The following NELL1 variants were observed in gnomAD, a reference collection of about 807,000 sequenced individuals.
NELL1 encodes protein kinase C-binding protein NELL1.
In NELL1, 76 loss-of-function variants were observed where a neutral mutation model predicts 107.4. The ratio of observed to expected loss-of-function variants is 0.71; its 90% CI spans 0.59 to 0.86. The LOEUF is 0.86. Among genes scored for constraint, NELL1 ranks in the 40% least tolerant of loss-of-function variants. The pLI is 0.00. For missense variants in NELL1, 1,024 were observed against 1,005.5 expected, an observed-to-expected ratio of 1.02 and a Z score of -0.25; for synonymous variants, 353 against 341.2, an observed-to-expected ratio of 1.03 and a Z score of -0.38.
At chr11:20,820,381 G>C (rs1016186642) in intron 3 of NELL1, among the ~76,000 whole-genome samples, 7 of 152,160 alleles carry the variant, frequency 4.6e-5, no homozygotes, top group African/African-American at 1.7e-4. Flanking sequence ...TAGGTGCTGT[G>C]CTAGGAGCTG....
chr11:21,445,936 C>T (rs1176115074), intron 15 of NELL1, among the ~76,000 whole-genome samples: 1 of 138,106 alleles, frequency 7.2e-6, no homozygotes, highest in African/African-American at 3.0e-5. Context: ...AAACATTCTA[C>T]CCCTATTAAT....
At chr11:20,694,913 C>A (rs978684557) in intron 2 of NELL1, among the ~76,000 whole-genome samples, 9 of 151,974 alleles carry the variant, frequency 5.9e-5, no homozygotes, top group African/African-American at 1.9e-4. Context: ...AGTGATTCTT[C>A]TAATCCATGA....
chr11:21,041,455 C>T (rs1425935716), intron 12 of NELL1, among the ~76,000 whole-genome samples: 1 of 152,106 alleles, frequency 6.6e-6, no homozygotes, highest in African/African-American at 2.4e-5. Flanking sequence ...AGTTTTATTT[C>T]TCACCAGCTA....
intron 14 of NELL1, among the ~76,000 whole-genome samples, chr11:21,342,129 TAA>T (rs1331894160): frequency 6.6e-6 from 1 of 152,164 alleles, no homozygotes; most frequent in East Asian, 1.9e-4. Flanking sequence ...AGAAGGTATA[TAA>T]AAAACATCTG....
At chr11:21,295,944 A>G (rs77795294) in intron 14 of NELL1, among the ~76,000 whole-genome samples, 7,340 of 152,110 alleles carry the variant, frequency 0.048, 218 homozygotes, top group Admixed American at 0.07. Flanking sequence ...CAGCCTGAGT[A>G]AAAACAGTCT....
chr11:21,507,161 A>C (rs750919364), intron 15 of NELL1, among the ~76,000 whole-genome samples: 1 of 152,238 alleles, frequency 6.6e-6, no homozygotes, highest in African/African-American at 2.4e-5. Flanking sequence ...TCCTTCAATC[A>C]AATCACAATG....
chr11:20,903,381 C>T (rs75413389), intron 5 of NELL1, among the ~76,000 whole-genome samples: 293 of 152,176 alleles, frequency 1.9e-3, no homozygotes, highest in Non-Finnish European at 3.3e-3. Context: ...CCTGAAAAGA[C>T]ATTAAAATCA....
chr11:20,892,842 T>C (rs573170622), intron 5 of NELL1, among the ~76,000 whole-genome samples: 2 of 149,734 alleles, frequency 1.3e-5, no homozygotes, highest in East Asian at 4.0e-4. Flanking sequence ...GACAGGAGAA[T>C]CGCTTGAACC....
At chr11:21,297,207 G>A (rs1849393884) in intron 14 of NELL1, among the ~76,000 whole-genome samples, 1 of 151,888 alleles carries the variant, frequency 6.6e-6, no homozygotes, top group Non-Finnish European at 1.5e-5. Context: ...ATAGTATTAT[G>A]GAAAGAAATG....
At chr11:20,968,870 G>A (rs749778028) in intron 12 of NELL1, among the ~76,000 whole-genome samples, 5 of 152,042 alleles carry the variant, frequency 3.3e-5, no homozygotes, top group Non-Finnish European at 5.9e-5. Flanking sequence ...ATGGGCCAGG[G>A]CTGTTCACAT....
intron 4 of NELL1, among the ~76,000 whole-genome samples, chr11:20,871,815 C>T (rs1410835152): frequency 3.3e-5 from 5 of 151,622 alleles, no homozygotes; most frequent in Non-Finnish European, 7.4e-5. Context: ...GTCAGGAGAT[C>T]AAAACCATCC....
At chr11:20,684,982 C>T (rs1854273758) in intron 2 of NELL1, among the ~76,000 whole-genome samples, 1 of 151,964 alleles carries the variant, frequency 6.6e-6, no homozygotes, top group African/African-American at 2.4e-5. Context: ...AATTTTCTAA[C>T]ATGTATGCAC....
At chr11:21,515,291 T>C (rs986364719) in intron 15 of NELL1, among the ~76,000 whole-genome samples, 7 of 152,106 alleles carry the variant, frequency 4.6e-5, no homozygotes, top group African/African-American at 7.2e-5. Flanking sequence ...AGGGGACAGA[T>C]GGGAGTAGCT....
intron 7 of NELL1, among the ~76,000 whole-genome samples, chr11:20,923,131 G>C (rs1850417244): frequency 6.6e-6 from 1 of 152,108 alleles, no homozygotes; most frequent in Non-Finnish European, 1.5e-5. Flanking sequence ...CTTCCTCTTG[G>C]GTCGAGGTGG....
At chr11:20,745,596 C>T (rs1050299146) in intron 2 of NELL1, among the ~76,000 whole-genome samples, 4 of 152,150 alleles carry the variant, frequency 2.6e-5, no homozygotes, top group Admixed American at 2.0e-4. Flanking sequence ...CAGTAACCTA[C>T]TTAGTAGGTT....
At chr11:21,112,080 G>A (rs1376337294) in intron 12 of NELL1, among the ~76,000 whole-genome samples, 1 of 152,062 alleles carries the variant, frequency 6.6e-6, no homozygotes, top group Non-Finnish European at 1.5e-5. Flanking sequence ...CTTGGTGGAA[G>A]TTGAGTTCCC....
At chr11:21,242,078 G>C (rs893560972) in intron 14 of NELL1, among the ~76,000 whole-genome samples, 4 of 151,758 alleles carry the variant, frequency 2.6e-5, no homozygotes, top group African/African-American at 9.7e-5. Context: ...CTCACTCTCA[G>C]CTCCTAAGTG....
At chr11:21,051,335 G>T (rs931143948) in intron 12 of NELL1, among the ~76,000 whole-genome samples, 1 of 152,108 alleles carries the variant, frequency 6.6e-6, no homozygotes, top group African/African-American at 2.4e-5. Flanking sequence ...GCTAAGCTAT[G>T]AGGACACAAA....
intron 2 of NELL1, among the ~76,000 whole-genome samples, chr11:20,779,626 AC>A (rs1157730874): frequency 1.3e-5 from 2 of 152,216 alleles, no homozygotes; most frequent in African/African-American, 4.8e-5. Flanking sequence ...AAAGTAGGTG[AC>A]ATATCACTAT....
Sources: gnomAD v4.1 joint callset for allele counts (sites outside exome capture counted in the v4.1 genomes callset) on GRCh38, gnomAD v4.1.1 for gene constraint, MANE v1.5 for transcripts, NCBI Gene and HGNC (gene_info 2026-07-23, HGNC 2026-07-21) for gene names.